MARCHF10: variants seen among roughly 807,000 people sequenced by gnomAD.
MARCHF10 encodes the protein membrane associated ring-CH-type finger 10, also known as probable E3 ubiquitin-protein ligase MARCHF10.
Under a neutral mutation model 76.2 loss-of-function variants are expected in MARCHF10, and 64 were observed. That is an observed-to-expected ratio of 0.84 (90% CI 0.69 to 1.03). The LOEUF is 1.03. Among genes scored for constraint, MARCHF10 ranks in the 50% least tolerant of loss-of-function variants. The pLI, the probability that MARCHF10 is intolerant of heterozygous loss-of-function variation, is 0.00. For synonymous variants in MARCHF10, 340 were observed against 357.5 expected (o/e 0.95, Z 0.55); for missense variants, 875 against 958.0 (o/e 0.91, Z 1.14).
At chr17:62,774,461 C>T (rs368953328) in intron 3 of MARCHF10, among the ~76,000 whole-genome samples, 10 of 152,274 alleles carry the variant, frequency 6.6e-5, no homozygotes, top group East Asian at 1.9e-4. Flanking sequence ...GCACAAGCCT[C>T]GGTGGACAGT....
chr17:62,745,276 G>A (rs777583150), intron 4 of MARCHF10, among the ~76,000 whole-genome samples: 32 of 151,656 alleles, frequency 2.1e-4, no homozygotes, highest in Admixed American at 1.2e-3. Context: ...GCTAATTTTC[G>A]TATTTTTAGT....
At chr17:62,750,563 G>A (rs2091864737) in intron 4 of MARCHF10, 1 of 152,892 alleles carries the variant, frequency 6.5e-6, no homozygotes, top group African/African-American at 2.4e-5. Context: ...GAGCAGTCAG[G>A]AAGCAGCACT....
intron 1 of MARCHF10, among the ~76,000 whole-genome samples, chr17:62,803,547 T>G (rs2093113098): frequency 6.6e-6 from 1 of 151,448 alleles, no homozygotes; most frequent in East Asian, 1.9e-4. Flanking sequence ...TGAGATGGAG[T>G]CCTGCTCTGT....
At chr17:62,725,605 A>G (rs949805876) in intron 6 of MARCHF10, among the ~76,000 whole-genome samples, 2 of 152,204 alleles carry the variant, frequency 1.3e-5, no homozygotes, top group African/African-American at 2.4e-5. Flanking sequence ...GCAATTGTCA[A>G]TACGTGTGAG....
At chr17:62,780,214 ATTAAT>A (rs2092632783) in intron 3 of MARCHF10, among the ~76,000 whole-genome samples, 1 of 152,238 alleles carries the variant, frequency 6.6e-6, no homozygotes, top group African/African-American at 2.4e-5. Flanking sequence ...TTTAATTTTA[ATTAAT>A]TTAAACTTAA....
intron 6 of MARCHF10, among the ~76,000 whole-genome samples, chr17:62,732,124 G>C (rs531291723): frequency 2.6e-5 from 4 of 152,172 alleles, no homozygotes; most frequent in Admixed American, 6.5e-5. Flanking sequence ...TATACTGAAA[G>C]ACATTAAAGA....
At chr17:62,718,023 CCT>C (rs1395669459) in intron 8 of MARCHF10, among the ~76,000 whole-genome samples, 4 of 152,128 alleles carry the variant, frequency 2.6e-5, no homozygotes, top group Admixed American at 1.3e-4. Flanking sequence ...AGCTTTCTCC[CCT>C]GAGTGCCAAG....
Position 62,738,555 on chromosome 17 carries a change from C to T in MARCHF10, c.536-1223G>A, listed in dbSNP as rs755507148. ...AAAGCGGTTCACCCTGTAGAGTGGA[C>T]GGGACTCCACGGGCCCTGGAAGGTC... On this transcript the variant is annotated intron_variant, in intron 5 of 10. Coordinates refer to ENST00000311269, the MANE Select transcript of MARCHF10 (RefSeq NM_152598.4). This position sits in a 1 kb window ranked among gnomAD's most constrained non-coding sequence, Gnocchi z 4.0. Among the ~76,000 whole-genome samples the T allele has an allele frequency of 3.3e-5, 5 of 152,208 alleles. No homozygotes were observed. Among genetic ancestry groups the T allele is most frequent in the Middle Eastern group, 3.4e-3 (1 of 294 alleles).
intron 2 of MARCHF10, among the ~76,000 whole-genome samples, chr17:62,789,048 C>T (rs554669372): frequency 3.5e-5 from 4 of 113,032 alleles, no homozygotes; most frequent in South Asian, 6.0e-4. Context: ...CCGGCCTGGG[C>T]GACAGAGCGA....
intron 4 of MARCHF10, among the ~76,000 whole-genome samples, chr17:62,753,168 G>A (rs1738319745): frequency 6.6e-6 from 1 of 152,134 alleles, no homozygotes; most frequent in Non-Finnish European, 1.5e-5. Flanking sequence ...GTGCAGTCAC[G>A]TGATCTCAGC....
At chr17:62,733,333 A>C (rs2091117563) in intron 6 of MARCHF10, among the ~76,000 whole-genome samples, 1 of 152,166 alleles carries the variant, frequency 6.6e-6, no homozygotes, top group African/African-American at 2.4e-5. Flanking sequence ...AGAATGGAAA[A>C]CACAAATGGT....
intron 4 of MARCHF10, among the ~76,000 whole-genome samples, chr17:62,757,925 T>C (rs1311629657): frequency 6.6e-6 from 1 of 152,220 alleles, no homozygotes; most frequent in Non-Finnish European, 1.5e-5. Context: ...ATAAGTTCCA[T>C]ACAGAGTTTG....
At chr17:62,762,344 T>C (rs2092228333) in intron 3 of MARCHF10, among the ~76,000 whole-genome samples, 1 of 152,204 alleles carries the variant, frequency 6.6e-6, no homozygotes, top group African/African-American at 2.4e-5. Flanking sequence ...TAGGTAGTAA[T>C]CATTAAGAGT....
At chr17:62,730,721 C>T (rs2090989449) in intron 6 of MARCHF10, among the ~76,000 whole-genome samples, 1 of 152,082 alleles carries the variant, frequency 6.6e-6, no homozygotes, top group South Asian at 2.1e-4. Context: ...TGGTGAAACC[C>T]TGTCTCTACT....
chr17:62,790,640 T>C (rs1187515345), intron 2 of MARCHF10, among the ~76,000 whole-genome samples: 2 of 152,174 alleles, frequency 1.3e-5, no homozygotes, highest in Admixed American at 6.5e-5. Flanking sequence ...CCTGGCTGGG[T>C]TGAGAAAGGA....
chr17:62,791,200 A>C (rs1172652435), intron 2 of MARCHF10, among the ~76,000 whole-genome samples: 1 of 152,224 alleles, frequency 6.6e-6, no homozygotes, highest in African/African-American at 2.4e-5. Context: ...AGTTCAGCTA[A>C]ACGTGTGCCT....
At chr17:62,805,832 A>C (rs953329177) in intron 1 of MARCHF10, among the ~76,000 whole-genome samples, 22 of 152,040 alleles carry the variant, frequency 1.4e-4, no homozygotes, top group African/African-American at 5.3e-4. Flanking sequence ...GAATCACTTG[A>C]ACCTGGAAGG....
At chr17:62,771,141 T>A (rs1017719398) in intron 3 of MARCHF10, among the ~76,000 whole-genome samples, 2 of 152,150 alleles carry the variant, frequency 1.3e-5, no homozygotes, top group Admixed American at 1.3e-4. Context: ...TATGTGGCTG[T>A]AGATCATGTA....
chr17:62,765,630 A>G (rs969548238), intron 3 of MARCHF10, among the ~76,000 whole-genome samples: 1 of 152,052 alleles, frequency 6.6e-6, no homozygotes, highest in African/African-American at 2.4e-5. Context: ...TGCGATTACT[A>G]TTCAGCCCAC....
Sources: allele counts gnomAD v4.1 joint callset (sites outside exome capture counted in the v4.1 genomes callset), GRCh38; gene constraint gnomAD v4.1.1; non-coding constraint Gnocchi (gnomAD v3.1); transcripts MANE v1.5; gene names NCBI Gene and HGNC (gene_info 2026-07-23, HGNC 2026-07-21).